Variants in ADRA1A observed in about 807,000 individuals in gnomAD.
ADRA1A encodes the protein alpha-1A adrenergic receptor.
ADRA1A carries 31 observed loss-of-function variants against 29.6 expected under a neutral mutation model. That is an observed-to-expected ratio of 1.05 (90% CI 0.79 to 1.41). The LOEUF is 1.41. Among genes scored for constraint, ADRA1A ranks in the 40% most tolerant of loss-of-function variants. The pLI is 0.00. For missense variants in ADRA1A, 619 were observed against 601.1 expected, an observed-to-expected ratio of 1.03 and a Z score of -0.31; for synonymous variants, 311 against 254.3, an observed-to-expected ratio of 1.22 and a Z score of -2.12.
chr8:26,864,733 C>T lies in ADRA1A; in HGVS notation c.237G>A (p.Val79=). The T allele has an allele frequency of 6.2e-7, 1 of 1,614,156 alleles. No individual in the cohort carries two copies. The change falls in exon 2 of 3, where the codon GTG becomes GTA. Residue 79 remains valine, a synonymous_variant. Coordinates refer to ENST00000380573, the MANE Select transcript of ADRA1A (RefSeq NM_000680.4). This position sits in a 1 kb window ranked among gnomAD's most constrained non-coding sequence, Gnocchi z 8.1. ...CCTCGAAGATGGCGGAGAAGGGCAG[C>T]ACCGTGGAGGTGAGCAGGAGGTCGG... ...AVADLLLTST[V]LPFSAIFEVL...
intron 2 of ADRA1A, among the ~76,000 whole-genome samples, chr8:26,773,839 G>A (rs1378345127): frequency 1.3e-5 from 2 of 152,250 alleles, no homozygotes; most frequent in South Asian, 2.1e-4. Flanking sequence ...CCAGAGCCAA[G>A]CTCTTGGGCC....
chr8:26,859,446 C>T (rs1214886910), intron 2 of ADRA1A, among the ~76,000 whole-genome samples: 1 of 152,168 alleles, frequency 6.6e-6, no homozygotes, highest in Admixed American at 6.5e-5. Flanking sequence ...TTCTGAGCAC[C>T]ATCCTGAGCA....
chr8:26,804,885 A>G (rs768094119), intron 2 of ADRA1A, among the ~76,000 whole-genome samples: 1 of 152,204 alleles, frequency 6.6e-6, no homozygotes, highest in Non-Finnish European at 1.5e-5. Context: ...ATAGCTAGAG[A>G]TAAGCCTGAA....
intron 2 of ADRA1A, among the ~76,000 whole-genome samples, chr8:26,814,461 T>C (rs1225570759): frequency 1.3e-5 from 2 of 152,174 alleles, no homozygotes; most frequent in Non-Finnish European, 2.9e-5. Context: ...GGGGTCTTGC[T>C]ATGTTGCCCA....
chr8:26,761,632 A>G (rs899074115), downstream of ADRA1A, among the ~76,000 whole-genome samples: 3 of 152,226 alleles, frequency 2.0e-5, no homozygotes, highest in African/African-American at 7.2e-5. Flanking sequence ...CAACGCCTTA[A>G]TCTTGGATTT....
In ADRA1A at chr8:26,867,079, G is replaced by A. The variant is rs1353261968; in HGVS notation, c.-830C>T. 27 of 985,382 alleles carry A rather than the reference G, an allele frequency of 2.7e-5. No homozygotes were observed. Among genetic ancestry groups the A allele is most frequent in the Non-Finnish European group, 3.3e-5 (27 of 829,950 alleles). 61.0% of individuals were successfully genotyped at this position (985,382 alleles called of 1,614,324 possible). A position where few individuals can be genotyped will look rare whatever the true frequency, so the allele number is the denominator to read the frequency against. ...ACCAAATCCTTGTCCTTTTGCACCCGCTGACTCACCCCTCCACCACTGATG... is the reference window on the plus strand; with the variant it reads ...ACCAAATCCTTGTCCTTTTGCACCCACTGACTCACCCCTCCACCACTGATG... On this transcript the variant is annotated 5_prime_UTR_variant, in exon 1 of 3. Coordinates refer to ENST00000380573, the MANE Select transcript of ADRA1A (RefSeq NM_000680.4).
At chr8:26,754,676 G>T (rs560704540), downstream of ADRA1A, among the ~76,000 whole-genome samples, 2 of 152,100 alleles carry the variant, frequency 1.3e-5, no homozygotes, top group South Asian at 2.1e-4. Context: ...GTTAAATGGC[G>T]TCAGCTTTAT....
chr8:26,764,723 A>G (rs144508809), downstream of ADRA1A, among the ~76,000 whole-genome samples: 17 of 152,376 alleles, frequency 1.1e-4, no homozygotes, highest in East Asian at 3.1e-3. Context: ...TTTGACAAAC[A>G]TAAAGTGCTA....
At position 26,775,684 on chromosome 8, in the gene ADRA1A, C is replaced by T. The variant is rs377596449; in HGVS notation, c.884-5018G>A. On this transcript the variant is annotated intron_variant, in intron 2 of 2. Transcript: ENST00000380573. This position sits in a 1 kb window ranked among gnomAD's most constrained non-coding sequence, Gnocchi z 4.1. ...TTGGGCTTTGGAAAATCCCCACAGC[C>T]TAAGGATTCTTCCTGTCACTGAGTT... 1.7e-4 allele frequency among the ~76,000 whole-genome samples: 26 copies of T among 152,320 alleles called. No individual in the cohort carries two copies. The highest frequency in any genetic ancestry group is 3.4e-4 in the Non-Finnish European group (23 of 68,024).
At chr8:26,754,676 G>A (rs560704540), downstream of ADRA1A, among the ~76,000 whole-genome samples, 11 of 152,218 alleles carry the variant, frequency 7.2e-5, no homozygotes, top group South Asian at 2.1e-4. Context: ...GTTAAATGGC[G>A]TCAGCTTTAT....
At chr8:26,794,409 T>A (rs571161916) in intron 2 of ADRA1A, among the ~76,000 whole-genome samples, 2 of 152,238 alleles carry the variant, frequency 1.3e-5, no homozygotes, top group East Asian at 3.9e-4. Context: ...GGTTCATGAA[T>A]CTTGCATGAA....
At chr8:26,820,218 G>C (rs936655780) in intron 2 of ADRA1A, among the ~76,000 whole-genome samples, 14 of 152,114 alleles carry the variant, frequency 9.2e-5, no homozygotes, top group Non-Finnish European at 2.9e-5. Context: ...AGAAATACCA[G>C]ACTTGAATTA....
chr8:26,818,238 T>C (rs1389542905), intron 2 of ADRA1A, among the ~76,000 whole-genome samples: 1 of 152,204 alleles, frequency 6.6e-6, no homozygotes, highest in Non-Finnish European at 1.5e-5. Flanking sequence ...TTCTGTCTTT[T>C]TTATGGTCAT....
intron 2 of ADRA1A, among the ~76,000 whole-genome samples, chr8:26,826,801 G>A (rs1208762873): frequency 6.6e-6 from 1 of 152,212 alleles, no homozygotes; most frequent in Non-Finnish European, 1.5e-5. Context: ...CTCCCAGTCT[G>A]ATTCCTGAAT....
At position 26,867,123 on chromosome 8, in the gene ADRA1A, G is replaced by GCTGT; in HGVS notation, c.-878_-875dup. The GCTGT allele has an allele frequency of 2.0e-6, 2 of 985,368 alleles. No individual in the cohort carries two copies. Among genetic ancestry groups the GCTGT allele is most frequent in the Non-Finnish European group, 2.4e-6 (2 of 829,926 alleles). 61.0% of individuals were successfully genotyped at this position (985,368 alleles called of 1,614,324 possible). On this transcript the variant is annotated 5_prime_UTR_variant, in exon 1 of 3. Coordinates refer to ENST00000380573, the MANE Select transcript of ADRA1A (RefSeq NM_000680.4). ...ACTGATGTCTTTAAGCTCCTGAACC[G>GCTGT]CTGTCACTTTACCTGCATTTTTTAA...
chr8:26,789,624 C>T (rs970773526), intron 2 of ADRA1A, among the ~76,000 whole-genome samples: 7 of 151,984 alleles, frequency 4.6e-5, no homozygotes, highest in Admixed American at 1.3e-4. Flanking sequence ...TAAACAAGAC[C>T]TCAAAAGCAC....
chr8:26,786,015 C>T (rs1807346305), intron 2 of ADRA1A, among the ~76,000 whole-genome samples: 1 of 152,024 alleles, frequency 6.6e-6, no homozygotes, highest in Admixed American at 6.6e-5. Context: ...GGGTCACCTT[C>T]CCTTTTCCCT....
rs1411309198 is a variant in ADRA1A, at chr8:26,806,645, C to T, written c.884-35979G>A. Among the ~76,000 whole-genome samples, 1 of 152,182 alleles carries T rather than the reference C, an allele frequency of 6.6e-6. No individual in the cohort carries two copies. The highest frequency in any genetic ancestry group is 1.5e-5 in the Non-Finnish European group (1 of 68,040). ...AATGGCCTATAGCTTAGAATGGAAC[C>T]TCTCTAATCGCCAGAGAGTCCGAGG... On this transcript the variant is annotated intron_variant, in intron 2 of 2. Coordinates refer to ENST00000380573, the MANE Select transcript of ADRA1A (RefSeq NM_000680.4). The surrounding 1 kb of genome is among the most constrained non-coding windows in gnomAD (Gnocchi z 4.6).
chr8:26,748,537 G>C, exon 3 of ADRA1A: 2 of 333,484 alleles, frequency 6.0e-6, no homozygotes, highest in South Asian at 2.4e-5. Context: ...TCAAGAGATC[G>C]AGATCATCCT....
Sources: gnomAD v4.1 joint callset for allele counts (sites outside exome capture counted in the v4.1 genomes callset) on GRCh38, gnomAD v4.1.1 for gene constraint, Gnocchi (gnomAD v3.1) non-coding constraint, MANE v1.5 for transcripts, NCBI Gene and HGNC (gene_info 2026-07-23, HGNC 2026-07-21) for gene names.